IL6ST: variants seen among roughly 807,000 people sequenced by gnomAD.
IL6ST encodes interleukin 6 cytokine family signal transducer.
In IL6ST, 24 loss-of-function variants were observed where a neutral mutation model predicts 91.3. The ratio of observed to expected loss-of-function variants is 0.26; its 90% CI spans 0.19 to 0.37. IL6ST has a LOEUF of 0.37. Among genes scored for constraint, IL6ST ranks in the 10% least tolerant of loss-of-function variants. The pLI is 1.00. For synonymous variants in IL6ST, 351 were observed against 373.6 expected (o/e 0.94, Z 0.70); for missense variants, 914 against 1,078.5 (o/e 0.85, Z 2.14).
Position 55,948,513 on chromosome 5 carries a change from TA to T in IL6ST, c.1841-925del, listed in dbSNP as rs1385134317. Reference sequence around the variant, plus strand: ...TGAGAATAAACTATGGGTTGGCAAATATTAACTCTTAAATGCTAAGCATCAT... The same window carrying T: ...TGAGAATAAACTATGGGTTGGCAAATTTAACTCTTAAATGCTAAGCATCAT... On this transcript the variant is annotated intron_variant, in intron 14 of 16. Transcript: ENST00000381298. Among the ~76,000 whole-genome samples the T allele has an allele frequency of 5.3e-5, 8 of 152,064 alleles. No individual in the cohort carries two copies. In the South Asian group the frequency reaches 1.2e-3, roughly 24 times the overall value.
intron 10 of IL6ST, 44 bp downstream of exon 10, chr5:55,955,981 C>A: frequency 1.4e-6 from 2 of 1,380,630 alleles, no homozygotes; most frequent in South Asian, 1.2e-5. Flanking sequence ...ACCTAACCAC[C>A]ATTTTTCCAC....
chr5:55,980,834 C>T (rs980634100), intron 2 of IL6ST, among the ~76,000 whole-genome samples: 2 of 152,142 alleles, frequency 1.3e-5, no homozygotes, highest in African/African-American at 4.8e-5. Flanking sequence ...AATATACATA[C>T]TAACTTGATT....
intron 15 of IL6ST, among the ~76,000 whole-genome samples, 179 bp downstream of exon 15, chr5:55,947,314 G>A (rs779162736): frequency 4.6e-5 from 7 of 152,202 alleles, no homozygotes; most frequent in Middle Eastern, 3.4e-3. Flanking sequence ...AGGAGAACAA[G>A]GAAGCTTTAT....
At chr5:55,969,108 T>C (rs111853203) in intron 4 of IL6ST, among the ~76,000 whole-genome samples, 4,984 of 151,778 alleles carry the variant, frequency 0.033, 280 homozygotes, top group African/African-American at 0.11. Flanking sequence ...GGCAGGAGGA[T>C]TGCTTGAACC....
Position 55,964,224 on chromosome 5 carries a change from T to G in IL6ST, c.580A>C (p.Ile194Leu), listed in dbSNP as rs752916187. The change falls in exon 6 of 17, where the codon ATT (isoleucine) becomes CTT (leucine). Residue 194 changes from isoleucine (I) to leucine (L), a missense_variant. Physicochemically the swap from Ile to Leu is conservative, Grantham distance 5 (BLOSUM62 2). Coordinates refer to ENST00000381298, the MANE Select transcript of IL6ST (RefSeq NM_002184.4). ...VDYSTVYFVN[I>L]EVWVEAENAL... is the part of the protein sequence containing the mutation. ...TTCTCTGCTTCTACCCAGACTTCAA[T>G]GTTGACAAAATACACAGTAGAATAA... 1 of 1,611,296 alleles carries G rather than the reference T, an allele frequency of 6.2e-7. No homozygotes were observed. Among genetic ancestry groups the G allele is most frequent in the Non-Finnish European group, 8.5e-7 (1 of 1,178,034 alleles).
Position 55,935,374 on chromosome 5 carries a change from G to GTATC in IL6ST, c.*5704_*5707dup, listed in dbSNP as rs1485219859. On this transcript the variant is annotated 3_prime_UTR_variant, in exon 17 of 17. Transcript: ENST00000381298. ...GTTTCTAAAACTAAGCTCTGGCTTC[G>GTATC]TATCTGTTGAAAATCTTTAGCGGTT... is the stretch of plus-strand genomic sequence containing the variant. 5.0e-6 allele frequency: 1 copy of GTATC among 200,922 alleles called. No individual in the cohort carries two copies. The highest frequency in any genetic ancestry group is 1.0e-5 in the Non-Finnish European group (1 of 97,640). 12.4% of individuals were successfully genotyped at this position (200,922 alleles called of 1,614,324 possible).
chr5:55,942,641 A>G (rs753688784), intron 16 of IL6ST, 29 bp downstream of exon 16: 2 of 1,266,894 alleles, frequency 1.6e-6, no homozygotes, highest in South Asian at 1.2e-5. Flanking sequence ...TCTGTATATT[A>G]TAAACAACTC....
chr5:55,958,888 G>A (rs1752143280), intron 8 of IL6ST, among the ~76,000 whole-genome samples: 1 of 151,132 alleles, frequency 6.6e-6, no homozygotes, highest in South Asian at 2.1e-4. Flanking sequence ...ATCATGAAGA[G>A]GCAATTACAG....
At chr5:55,994,189 T>C in intron 1 of IL6ST, 1 of 152,028 alleles carries the variant, frequency 6.6e-6, no homozygotes, top group South Asian at 2.1e-4. Flanking sequence ...TTCAAAAGTT[T>C]AGGTCGGAGG....
rs61748224 is a variant in IL6ST at position 55,941,186 on chromosome 5, C to T, written c.2653G>A (p.Val885Ile). The change falls in exon 17 of 17, where the codon GTA becomes ATA. Residue 885 changes from valine to isoleucine, a missense_variant. Transcript: ENST00000381298. Reference protein sequence around the residue: ...DAFGPGTEGQVERFETVGMEA... With the variant: ...DAFGPGTEGQIERFETVGMEA... ...ATGCCAACTGTTTCAAATCTTTCTACTTGTCCCTCAGTACCTGGACCAAAA... is the reference window on the plus strand; with the variant it reads ...ATGCCAACTGTTTCAAATCTTTCTATTTGTCCCTCAGTACCTGGACCAAAA... 5,340 of 1,614,144 alleles carry T rather than the reference C, an allele frequency of 3.3e-3. 34 individuals carry two copies. The highest frequency in any genetic ancestry group is 0.018 in the South Asian group (1,624 of 91,082).
At chr5:55,990,323 T>C (rs1754242198) in intron 1 of IL6ST, among the ~76,000 whole-genome samples, 1 of 152,164 alleles carries the variant, frequency 6.6e-6, no homozygotes, top group Non-Finnish European at 1.5e-5. Flanking sequence ...ATTTTGACTA[T>C]ATATATCACA....
At chr5:55,943,594 A>G (rs1416871145) in intron 15 of IL6ST, among the ~76,000 whole-genome samples, 1 of 152,246 alleles carries the variant, frequency 6.6e-6, no homozygotes, top group Admixed American at 6.5e-5. Flanking sequence ...CAAAGATGTT[A>G]TATGAAAAAT....
At chr5:55,952,748 T>C (rs1025572952) in intron 11 of IL6ST, among the ~76,000 whole-genome samples, 14 of 151,828 alleles carry the variant, frequency 9.2e-5, no homozygotes, top group African/African-American at 3.4e-4. Context: ...AGTTTGCGAG[T>C]TGGAAAAAAG....
At chr5:55,961,209 T>A (rs114272560) in intron 7 of IL6ST, among the ~76,000 whole-genome samples, 3,843 of 152,312 alleles carry the variant, frequency 0.025, 90 homozygotes, top group African/African-American at 0.056. Context: ...TTTCCCTTTA[T>A]TTCTTCCACA....
At chr5:55,986,704 A>G (rs965710418) in intron 1 of IL6ST, among the ~76,000 whole-genome samples, 2 of 152,046 alleles carry the variant, frequency 1.3e-5, no homozygotes, top group Non-Finnish European at 2.9e-5. Flanking sequence ...CTAATAAGCT[A>G]TAATTCTTTG....
chr5:55,979,011 G>A (rs1260279388), intron 2 of IL6ST, among the ~76,000 whole-genome samples: 2 of 152,104 alleles, frequency 1.3e-5, no homozygotes, highest in Non-Finnish European at 2.9e-5. Flanking sequence ...ATAAATTATG[G>A]TATATTCAAG....
chr5:55,973,031 A>AAAAAGAATAT (rs1753056920), intron 3 of IL6ST, among the ~76,000 whole-genome samples: 1 of 152,080 alleles, frequency 6.6e-6, no homozygotes, highest in Non-Finnish European at 1.5e-5. Context: ...AGCAAAAAAA[A>AAAAAGAATAT]AAAGAATATA....
chr5:55,986,933 G>C (rs1371096244), intron 1 of IL6ST, among the ~76,000 whole-genome samples: 1 of 152,218 alleles, frequency 6.6e-6, no homozygotes, highest in East Asian at 1.9e-4. Context: ...GGGAGGCCAA[G>C]GCAGGAGGAT....
chr5:55,987,048 C>T (rs534672664), intron 1 of IL6ST, among the ~76,000 whole-genome samples: 1 of 152,190 alleles, frequency 6.6e-6, no homozygotes, highest in South Asian at 2.1e-4. Flanking sequence ...GCCTGTTGTC[C>T]CAGCTACTCA....
Sources: gnomAD v4.1 joint callset for allele counts (sites outside exome capture counted in the v4.1 genomes callset) on GRCh38, gnomAD v4.1.1 for gene constraint, MANE v1.5 for transcripts, NCBI Gene and HGNC (gene_info 2026-07-23, HGNC 2026-07-21) for gene names.